Variants in RBM27 observed in about 807,000 individuals in gnomAD.
RBM27 encodes RNA binding motif protein 27, also known as RNA-binding protein 27.
RBM27 carries 22 observed loss-of-function variants against 135.3 expected under a neutral mutation model. The ratio of observed to expected loss-of-function variants is 0.16; its 90% confidence interval spans 0.12 to 0.23. The LOEUF (loss-of-function observed/expected upper bound fraction) is 0.23. Ranked by LOEUF, RBM27 falls within the 10% of genes least tolerant of loss-of-function variation. The probability of loss-of-function intolerance (pLI) is 1.00; values close to 1 mark genes in which losing one functional copy is unlikely to be tolerated. For missense variants in RBM27, 1,009 were observed against 1,281.0 expected, an observed-to-expected ratio of 0.79 and a Z score of 3.24; for synonymous variants, 481 against 442.4, an observed-to-expected ratio of 1.09 and a Z score of -1.10.
intron 11 of RBM27, among the ~76,000 whole-genome samples, chr5:146,259,313 C>T (rs1006196195): frequency 3.3e-5 from 5 of 151,034 alleles, no homozygotes; most frequent in African/African-American, 9.7e-5. Context: ...GTCAGGAGTT[C>T]GAGACCAGCC....
At chr5:146,244,182 G>A (rs1436154815) in intron 8 of RBM27, among the ~76,000 whole-genome samples, 2 of 152,096 alleles carry the variant, frequency 1.3e-5, no homozygotes, top group Non-Finnish European at 2.9e-5. Flanking sequence ...AACTGAATAG[G>A]ATATACATGG....
chr5:146,225,516 T>G (rs1280439467), intron 3 of RBM27, among the ~76,000 whole-genome samples: 1 of 152,122 alleles, frequency 6.6e-6, no homozygotes. Context: ...TTGTTGAATG[T>G]GTCTTAAAGT....
chr5:146,236,660 G>C (rs1258114972), intron 7 of RBM27, among the ~76,000 whole-genome samples: 1 of 152,044 alleles, frequency 6.6e-6, no homozygotes, highest in East Asian at 1.9e-4. Flanking sequence ...GTCTTTCTCT[G>C]TTGCCCAGGT....
At chr5:146,261,049 T>C (rs1000514319) in intron 12 of RBM27, 151 bp downstream of exon 12, 4 of 744,434 alleles carry the variant, frequency 5.4e-6, no homozygotes, top group Non-Finnish European at 8.8e-6. Context: ...ATACCCACTT[T>C]TATGATGGAC....
At chr5:146,256,531 A>G (rs1290522071) in intron 10 of RBM27, among the ~76,000 whole-genome samples, 1 of 151,522 alleles carries the variant, frequency 6.6e-6, no homozygotes, top group Non-Finnish European at 1.5e-5. Context: ...TTGTATTTTT[A>G]GTAGAGACGA....
chr5:146,284,392 A>G (rs1215133965), intron 19 of RBM27, among the ~76,000 whole-genome samples: 1 of 152,190 alleles, frequency 6.6e-6, no homozygotes, highest in African/African-American at 2.4e-5. Context: ...ACAGATGCTA[A>G]CATTTACCTG....
intron 19 of RBM27, among the ~76,000 whole-genome samples, chr5:146,282,466 C>T (rs913322571): frequency 1.3e-5 from 2 of 152,132 alleles, no homozygotes; most frequent in African/African-American, 4.8e-5. Context: ...ATGGATTCAA[C>T]CTATTTTGGA....
intron 1 of RBM27, among the ~76,000 whole-genome samples, chr5:146,218,459 A>C (rs1020860893): frequency 6.6e-6 from 1 of 152,014 alleles, no homozygotes; most frequent in Non-Finnish European, 1.5e-5. Context: ...CATTCTTTTC[A>C]TGTTCTTATT....
chr5:146,237,338 C>T lies in RBM27; in HGVS notation c.1185C>T (p.Asp395=), dbSNP rs780288851. Residue 395 remains aspartate (D), a synonymous_variant, in exon 8 of 21, where the codon GAC becomes GAT. Transcript: ENST00000265271. ...AATCAAGCTTGATAAACAGCCGTGACCAGCCTGGGACAAGTGCAGTGCCCA... is the reference window on the plus strand; with the variant it reads ...AATCAAGCTTGATAAACAGCCGTGATCAGCCTGGGACAAGTGCAGTGCCCA... The part of the protein sequence containing the change: ...ITQSSLINSR[D]QPGTSAVPNL... The T allele has an allele frequency of 6.2e-7, 1 of 1,614,158 alleles. No individual in the cohort carries two copies. The highest frequency in any genetic ancestry group is 8.5e-7 in the Non-Finnish European group (1 of 1,180,016).
chr5:146,252,817 T>C (rs769657001), intron 9 of RBM27, among the ~76,000 whole-genome samples: 9 of 152,188 alleles, frequency 5.9e-5, no homozygotes, highest in Non-Finnish European at 1.0e-4. Context: ...CAGGAGGGAA[T>C]GCTCATGATT....
At chr5:146,251,389 C>G (rs1445671409) in intron 8 of RBM27, among the ~76,000 whole-genome samples, 2 of 152,102 alleles carry the variant, frequency 1.3e-5, no homozygotes, top group Non-Finnish European at 2.9e-5. Flanking sequence ...GCTCAGGGCT[C>G]CTTTGTCTAA....
At chr5:146,211,370 A>T (rs897067548) in intron 1 of RBM27, among the ~76,000 whole-genome samples, 11 of 152,196 alleles carry the variant, frequency 7.2e-5, no homozygotes, top group Middle Eastern at 3.4e-3. Context: ...ATTTGAAAAA[A>T]AGTAGAAGTA....
chr5:146,283,282 G>A (rs1223815532), intron 19 of RBM27, among the ~76,000 whole-genome samples: 1 of 152,172 alleles, frequency 6.6e-6, no homozygotes, highest in South Asian at 2.1e-4. Flanking sequence ...GCTCGTGCCT[G>A]TAATTCCAAC....
rs546615472 is a variant in RBM27 at position 146,225,067 on chromosome 5, T to C, written c.303+1540T>C. Reference sequence around the variant, plus strand: ...ATCCATATAGTACTTTAATGTATTATCTGTGTTCAGTTTTATCAATTGATC... The same window carrying C: ...ATCCATATAGTACTTTAATGTATTACCTGTGTTCAGTTTTATCAATTGATC... On this transcript the variant is annotated intron_variant, in intron 3 of 20. Transcript: ENST00000265271. Among the ~76,000 whole-genome samples the C allele has an allele frequency of 8.5e-5, 13 of 152,356 alleles. No individual in the cohort carries two copies. In the South Asian group the frequency reaches 2.7e-3, roughly 32 times the overall value.
intron 9 of RBM27, among the ~76,000 whole-genome samples, chr5:146,252,269 A>G (rs1757922672): frequency 6.6e-6 from 1 of 152,216 alleles, no homozygotes; most frequent in South Asian, 2.1e-4. Flanking sequence ...CTTGCCGATC[A>G]TATCCTTTTT....
intron 9 of RBM27, among the ~76,000 whole-genome samples, chr5:146,253,159 G>A (rs982287750): frequency 6.6e-6 from 1 of 151,884 alleles, no homozygotes; most frequent in Non-Finnish European, 1.5e-5. Flanking sequence ...CACCAAGCCC[G>A]GCTAATTTTT....
intron 1 of RBM27, among the ~76,000 whole-genome samples, chr5:146,212,896 A>G (rs983430785): frequency 6.6e-6 from 1 of 152,018 alleles, no homozygotes; most frequent in Non-Finnish European, 1.5e-5. Flanking sequence ...ATCACTTTGG[A>G]TGCCTAATAT....
intron 1 of RBM27, among the ~76,000 whole-genome samples, chr5:146,207,852 A>G (rs1376266977): frequency 6.9e-6 from 1 of 144,216 alleles, no homozygotes; most frequent in Non-Finnish European, 1.5e-5. Flanking sequence ...ATGGGGTTTC[A>G]CCGTGTTGGT....
intron 9 of RBM27, among the ~76,000 whole-genome samples, 168 bp from the exon 10 acceptor site, chr5:146,254,775 C>T (rs766925385): frequency 3.3e-5 from 5 of 152,076 alleles, no homozygotes; most frequent in Non-Finnish European, 5.9e-5. Context: ...TTTATATCTG[C>T]GGGAGGGTCC....
Sources: allele counts gnomAD v4.1 joint callset (sites outside exome capture counted in the v4.1 genomes callset), GRCh38; gene constraint gnomAD v4.1.1; transcripts MANE v1.5; gene names NCBI Gene and HGNC (gene_info 2026-07-23, HGNC 2026-07-21).